Variants in ANKRD27 observed in about 807,000 individuals in gnomAD.
ANKRD27 encodes ankyrin repeat domain 27.
A neutral mutation model predicts 129.7 loss-of-function variants in ANKRD27; 112 were observed. The observed-to-expected ratio is 0.86, with a 90% CI of 0.74 to 1.01. ANKRD27 has a LOEUF of 1.01. Ranked by LOEUF, ANKRD27 falls within the 50% of genes least tolerant of loss-of-function variation. The probability of loss-of-function intolerance (pLI) is 0.00; values close to 1 mark genes in which losing one functional copy is unlikely to be tolerated. For missense variants in ANKRD27, 1,258 were observed against 1,300.5 expected, an observed-to-expected ratio of 0.97 and a Z score of 0.50; for synonymous variants, 516 against 511.2, an observed-to-expected ratio of 1.01 and a Z score of -0.13.
At chr19:32,626,074 T>C in intron 16 of ANKRD27, 108 bp from the exon 17 acceptor site, 1 of 756,632 alleles carries the variant, frequency 1.3e-6, no homozygotes, top group Non-Finnish European at 2.0e-6. Context: ...CGATCTTATT[T>C]ATGCTACTAT....
intron 15 of ANKRD27, among the ~76,000 whole-genome samples, chr19:32,627,218 G>A (rs562908890): frequency 1.3e-5 from 2 of 152,104 alleles, no homozygotes; most frequent in South Asian, 4.2e-4. Flanking sequence ...ATGAGCCCTA[G>A]AGCACCACAC....
chr19:32,642,146 C>A lies in ANKRD27; in HGVS notation c.783-1G>T. On this transcript the variant is annotated splice_acceptor_variant, in intron 9 of 28. Coordinates refer to ENST00000306065, the MANE Select transcript of ANKRD27 (RefSeq NM_032139.3). LOFTEE classifies it high-confidence loss of function. ...TCTTTTGGCACGAGGTATGTTAAAG[C>A]TGTAAAATAATTTGGAAAGTGACAA... is the stretch of plus-strand genomic sequence containing the variant. 1 of 1,582,678 alleles carries A rather than the reference C, an allele frequency of 6.3e-7. No homozygotes were observed. The highest frequency in any genetic ancestry group is 8.6e-7 in the Non-Finnish European group (1 of 1,160,162).
In ANKRD27 at chr19:32,643,132, G is replaced by A. The variant is rs770976586; in HGVS notation, c.773C>T (p.Pro258Leu). The A allele has an allele frequency of 1.1e-5, 18 of 1,613,540 alleles. No individual in the cohort carries two copies. Among genetic ancestry groups the A allele is most frequent in the East Asian group, 8.9e-5 (4 of 44,872 alleles). ...TGGCGCAAACCCTTACCTGAACTCC[G>A]GTTTCACACCAATATCTTTCTGCTG... Reference protein sequence around the residue: ...DLQQKDIGVKPEFSFNIPRAK... With the variant: ...DLQQKDIGVKLEFSFNIPRAK... The change falls in exon 9 of 29, where the codon CCG (proline) becomes CTG (leucine). Residue 258 changes from proline to leucine, a missense_variant. Pro to Leu is a moderately conservative substitution (Grantham distance 98, BLOSUM62 -3). Coordinates refer to ENST00000306065, the MANE Select transcript of ANKRD27 (RefSeq NM_032139.3).
intron 2 of ANKRD27, among the ~76,000 whole-genome samples, chr19:32,657,246 G>C (rs577773977): frequency 6.6e-6 from 1 of 151,452 alleles, no homozygotes; most frequent in African/African-American, 2.4e-5. Flanking sequence ...GGTGGATCAC[G>C]AGGTCAGGAG....
At chr19:32,661,754 T>C (rs1429858674) in intron 1 of ANKRD27, among the ~76,000 whole-genome samples, 1 of 152,178 alleles carries the variant, frequency 6.6e-6, no homozygotes, top group Non-Finnish European at 1.5e-5. Context: ...GTCGGCCCTG[T>C]GGAACTCACA....
rs1011710949 is a variant in ANKRD27 at position 32,631,547 on chromosome 19, A to C, written c.1117-53T>G. 3.4e-6 allele frequency: 5 copies of C among 1,467,006 alleles called. No homozygotes were observed. The Admixed American group carries it at 6.7e-5, about 20-fold the overall frequency. 90.9% of individuals were successfully genotyped at this position (1,467,006 alleles called of 1,614,324 possible). On this transcript the variant is annotated intron_variant, in intron 12 of 28. Coordinates refer to ENST00000306065, the MANE Select transcript of ANKRD27 (RefSeq NM_032139.3). ...GAGATGTCAGTGCAGATCCTTCAAA[A>C]CCCAGCACCTCAGCAACAACCCCGG...
At chr19:32,664,136 A>G (rs1239456485) in intron 1 of ANKRD27, among the ~76,000 whole-genome samples, 5 of 151,380 alleles carry the variant, frequency 3.3e-5, no homozygotes, top group Middle Eastern at 3.4e-3. Context: ...CCAAAATATG[A>G]TATTTTCAAC....
intron 21 of ANKRD27, among the ~76,000 whole-genome samples, chr19:32,616,175 G>T (rs151248125): frequency 1.3e-5 from 2 of 151,984 alleles, no homozygotes; most frequent in Non-Finnish European, 2.9e-5. Flanking sequence ...CTCCAGCCTG[G>T]GCAACAGAGC....
intron 21 of ANKRD27, 132 bp downstream of exon 21, chr19:32,617,457 G>C: frequency 2.0e-6 from 1 of 488,284 alleles, no homozygotes; most frequent in South Asian, 3.6e-5. Context: ...TGAGGCAAGA[G>C]GATTGCTTGA....
chr19:32,664,024 C>G (rs259265), intron 1 of ANKRD27, among the ~76,000 whole-genome samples: 63,856 of 131,204 alleles, frequency 0.49, 17,956 homozygotes, highest in Non-Finnish European at 0.65. Flanking sequence ...CCACTGCACT[C>G]CAGCCTGGGC....
In ANKRD27 at chr19:32,643,459, T is replaced by G. The variant is rs148464824; in HGVS notation, c.611A>C (p.Gln204Pro). Reference sequence around the variant, plus strand: ...CACTGCCTGCTTCATCAGGTTCATCTGGGCCTCCTGCTTGGCGAGCATTTT... The same window carrying G: ...CACTGCCTGCTTCATCAGGTTCATCGGGGCCTCCTGCTTGGCGAGCATTTT... ...HLKMLAKQEA[Q>P]MNLMKQAVEI... The change falls in exon 7 of 29, where the codon CAG (glutamine) becomes CCG (proline). Residue 204 changes from glutamine (Q) to proline (P), a missense_variant. Transcript: ENST00000306065. 8.1e-5 allele frequency: 131 copies of G among 1,613,892 alleles called. No homozygotes were observed. In the African/African-American group the frequency reaches 1.5e-3, roughly 19 times the overall value.
chr19:32,616,916 C>G (rs1318183667), intron 21 of ANKRD27, among the ~76,000 whole-genome samples: 1 of 152,150 alleles, frequency 6.6e-6, no homozygotes, highest in African/African-American at 2.4e-5. Flanking sequence ...ACGCTGCCCT[C>G]TCTTAAAACC....
chr19:32,659,633 A>G (rs1236022666), intron 1 of ANKRD27, among the ~76,000 whole-genome samples: 1 of 152,198 alleles, frequency 6.6e-6, no homozygotes, highest in Non-Finnish European at 1.5e-5. Context: ...CAAGATACTC[A>G]TTTATTTTTA....
Position 32,643,284 on chromosome 19 carries a change from TA to T in ANKRD27, c.705+2del. 1 of 1,614,088 alleles carries T rather than the reference TA, an allele frequency of 6.2e-7. No individual in the cohort carries two copies. The highest frequency in any genetic ancestry group is 2.2e-5 in the East Asian group (1 of 44,884). On this transcript the variant is annotated splice_donor_variant, in intron 8 of 28. Transcript: ENST00000306065. LOFTEE classifies it high-confidence loss of function. ...TCTTGGGTGATAATAACTGAGAACCTACCTCACTTGCCTCCATGGTCCCCAC... is the reference window on the plus strand; with the variant it reads ...TCTTGGGTGATAATAACTGAGAACCTCCTCACTTGCCTCCATGGTCCCCAC...
At chr19:32,610,108 G>A (rs1013789449) in intron 22 of ANKRD27, among the ~76,000 whole-genome samples, 4 of 152,054 alleles carry the variant, frequency 2.6e-5, no homozygotes, top group African/African-American at 4.8e-5. Context: ...TCAAGAGATC[G>A]AGACCATCCT....
chr19:32,674,089 T>G (rs1967929431), intron 1 of ANKRD27, among the ~76,000 whole-genome samples: 1 of 151,936 alleles, frequency 6.6e-6, no homozygotes, highest in East Asian at 1.9e-4. Context: ...TCCAGGAGTT[T>G]GAGGCTGCAA....
At chr19:32,617,029 G>A (rs1971930694) in intron 21 of ANKRD27, among the ~76,000 whole-genome samples, 1 of 152,116 alleles carries the variant, frequency 6.6e-6, no homozygotes, top group South Asian at 2.1e-4. Context: ...TCACACTCCT[G>A]GAGTATGGAC....
At chr19:32,640,813 A>C (rs1967185425) in intron 10 of ANKRD27, among the ~76,000 whole-genome samples, 1 of 152,180 alleles carries the variant, frequency 6.6e-6, no homozygotes, top group African/African-American at 2.4e-5. Context: ...CTGAGGCAAG[A>C]GGATCACTTG....
intron 26 of ANKRD27, among the ~76,000 whole-genome samples, chr19:32,600,717 C>T (rs1327964638): frequency 6.6e-6 from 1 of 152,030 alleles, no homozygotes; most frequent in Non-Finnish European, 1.5e-5. Flanking sequence ...TATGAGAACC[C>T]CCATGAAATA....
Sources: gnomAD v4.1 joint callset for allele counts (sites outside exome capture counted in the v4.1 genomes callset) on GRCh38, gnomAD v4.1.1 for gene constraint, MANE v1.5 for transcripts, NCBI Gene and HGNC (gene_info 2026-07-23, HGNC 2026-07-21) for gene names.